Variants in TBC1D22B observed in about 807,000 individuals in gnomAD.
TBC1D22B encodes the protein TBC1 domain family member 22B.
Under a neutral mutation model 69.1 loss-of-function variants are expected in TBC1D22B, and 32 were observed. The observed-to-expected ratio is 0.46, with a 90% CI of 0.35 to 0.62. The LOEUF is 0.62. Ranked by LOEUF, TBC1D22B falls within the 20% of genes least tolerant of loss-of-function variation. The pLI is 0.00. For synonymous variants in TBC1D22B, 206 were observed against 229.8 expected, an observed-to-expected ratio of 0.90 and a Z score of 0.94; for missense variants, 462 against 630.9, an observed-to-expected ratio of 0.73 and a Z score of 2.87.
chr6:37,269,891 G>A (rs1345234521), intron 2 of TBC1D22B, among the ~76,000 whole-genome samples: 3 of 152,116 alleles, frequency 2.0e-5, no homozygotes, highest in Non-Finnish European at 4.4e-5. Flanking sequence ...TTTGGTATTG[G>A]ATTCTTTGGT....
chr6:37,274,553 C>T (rs1394257884), intron 2 of TBC1D22B, among the ~76,000 whole-genome samples: 1 of 152,188 alleles, frequency 6.6e-6, no homozygotes, highest in South Asian at 2.1e-4. Flanking sequence ...ACCTTGGGCA[C>T]ATTACTGAAA....
chr6:37,265,293 T>C (rs1333458744), intron 1 of TBC1D22B, among the ~76,000 whole-genome samples: 1 of 152,254 alleles, frequency 6.6e-6, no homozygotes, highest in Admixed American at 6.5e-5. Flanking sequence ...CCCTTCAGCC[T>C]GCACAAATTA....
intron 8 of TBC1D22B, among the ~76,000 whole-genome samples, chr6:37,307,344 T>G (rs192855014): frequency 1.7e-4 from 25 of 151,366 alleles, no homozygotes; most frequent in African/African-American, 5.8e-4. Context: ...AGAAATTTTT[T>G]TTTCTTTTTT....
At chr6:37,272,926 A>T (rs1370216709) in intron 2 of TBC1D22B, among the ~76,000 whole-genome samples, 1 of 152,206 alleles carries the variant, frequency 6.6e-6, no homozygotes, top group Non-Finnish European at 1.5e-5. Context: ...GGAGGTATTA[A>T]CATTGGCTTA....
intron 10 of TBC1D22B, among the ~76,000 whole-genome samples, chr6:37,316,441 G>A (rs534731113): frequency 2.6e-5 from 4 of 152,172 alleles, no homozygotes; most frequent in Non-Finnish European, 4.4e-5. Flanking sequence ...TGGCCAGAGC[G>A]GCCCCACAAA....
rs565608513 is a variant in TBC1D22B at position 37,302,747 on chromosome 6, A to G, written c.983-10171A>G. 5.9e-5 allele frequency among the ~76,000 whole-genome samples: 9 copies of G among 152,350 alleles called. No individual in the cohort carries two copies. The East Asian group carries it at 1.3e-3, about 23-fold the overall frequency. On this transcript the variant is annotated intron_variant, in intron 8 of 12. Coordinates refer to ENST00000373491, the MANE Select transcript of TBC1D22B (RefSeq NM_017772.4). ...CTCTGACTTGTGTCCGGTTCCCTAC[A>G]TGGCATTTCCACCTGATTATGTCAT...
At chr6:37,316,914 A>G in intron 11 of TBC1D22B, 84 bp downstream of exon 11, 1 of 1,595,382 alleles carries the variant, frequency 6.3e-7, no homozygotes, top group Non-Finnish European at 8.5e-7. Flanking sequence ...GTAGCTGCTT[A>G]GAAGCTTCCC....
intron 8 of TBC1D22B, among the ~76,000 whole-genome samples, chr6:37,311,214 A>G (rs573575882): frequency 2.7e-5 from 4 of 148,262 alleles, no homozygotes; most frequent in Admixed American, 6.7e-5. Flanking sequence ...TCCTAGAGTC[A>G]TGGCTTTTCT....
chr6:37,292,913 T>G (rs550603919), intron 8 of TBC1D22B, among the ~76,000 whole-genome samples: 1 of 152,236 alleles, frequency 6.6e-6, no homozygotes, highest in South Asian at 2.1e-4. Flanking sequence ...CTTGTTTTAT[T>G]GAGCTTTGTA....
intron 12 of TBC1D22B, among the ~76,000 whole-genome samples, chr6:37,328,603 G>A (rs1235659798): frequency 1.3e-5 from 2 of 152,176 alleles, no homozygotes; most frequent in African/African-American, 4.8e-5. Flanking sequence ...TCAAAATTAT[G>A]TAGAGAAAAT....
intron 1 of TBC1D22B, among the ~76,000 whole-genome samples, chr6:37,267,576 TA>T (rs1189913429): frequency 2.1e-4 from 31 of 146,114 alleles, no homozygotes; most frequent in South Asian, 8.4e-4. Flanking sequence ...CACACATATA[TA>T]TATTCTGATA....
intron 7 of TBC1D22B, 23 bp downstream of exon 7, chr6:37,287,095 T>C (rs1274054045): frequency 3.8e-6 from 6 of 1,582,324 alleles, no homozygotes; most frequent in Non-Finnish European, 4.3e-6. Flanking sequence ...CTTAATGTTC[T>C]TTGGCGCTTC....
Position 37,282,277 on chromosome 6 carries a change from G to A in TBC1D22B, c.514G>A (p.Ala172Thr), listed in dbSNP as rs149916828. Residue 172 changes from alanine (A) to threonine (T), a missense_variant, in exon 4 of 13, where the codon GCT becomes ACT. By Grantham distance (58) the Ala-to-Thr change is moderately conservative (BLOSUM62 0). Transcript: ENST00000373491. Reference sequence around the variant, plus strand: ...CGTTGCCCGGATCTCGGATCAGAACGCTTCTGGGGCCCCCCCAATGACTGT... The same window carrying A: ...CGTTGCCCGGATCTCGGATCAGAACACTTCTGGGGCCCCCCCAATGACTGT... ...PLVARISDQN[A>T]SGAPPMTVRE... The A allele has an allele frequency of 1.2e-4, 190 of 1,613,958 alleles. 1 individual carries two copies. Among genetic ancestry groups the A allele is most frequent in the Admixed American group, 1.3e-4 (8 of 59,992 alleles).
chr6:37,305,029 T>C (rs151079428), intron 8 of TBC1D22B, among the ~76,000 whole-genome samples: 73 of 152,306 alleles, frequency 4.8e-4, no homozygotes, highest in Non-Finnish European at 9.4e-4. Context: ...GGGAGGGAGC[T>C]GTGCAGTTAA....
At chr6:37,298,539 G>GTTTTTTTTTTTTTTTTTTTTTTT (rs34996865) in intron 8 of TBC1D22B, among the ~76,000 whole-genome samples, 8 of 71,258 alleles carry the variant, frequency 1.1e-4, no homozygotes, top group African/African-American at 4.3e-4. Context: ...GTTGCCTACA[G>GTTTTTTTTTTTTTTTTTTTTTTT]TTTTTTTTTT....
chr6:37,275,430 T>G (rs1188323780), intron 2 of TBC1D22B, among the ~76,000 whole-genome samples: 1 of 152,220 alleles, frequency 6.6e-6, no homozygotes, highest in Non-Finnish European at 1.5e-5. Context: ...CTTGGTTTAC[T>G]TGGCGACTTC....
At chr6:37,298,196 T>TA (rs1767448061) in intron 8 of TBC1D22B, among the ~76,000 whole-genome samples, 5 of 151,908 alleles carry the variant, frequency 3.3e-5, no homozygotes, top group African/African-American at 1.2e-4. Flanking sequence ...AAAGTATAAT[T>TA]TAAAAAAAAA....
chr6:37,294,519 T>C (rs975924040), intron 8 of TBC1D22B, among the ~76,000 whole-genome samples: 1 of 152,188 alleles, frequency 6.6e-6, no homozygotes, highest in Admixed American at 6.5e-5. Flanking sequence ...AGTCAATGTC[T>C]GGCTTCAAAG....
At chr6:37,309,035 C>A (rs1279497411) in intron 8 of TBC1D22B, among the ~76,000 whole-genome samples, 1 of 151,882 alleles carries the variant, frequency 6.6e-6, no homozygotes, top group Non-Finnish European at 1.5e-5. Context: ...TGCCAGCTAA[C>A]TTTTATGTAA....
Sources: allele counts gnomAD v4.1 joint callset (sites outside exome capture counted in the v4.1 genomes callset), GRCh38; gene constraint gnomAD v4.1.1; transcripts MANE v1.5; gene names NCBI Gene and HGNC (gene_info 2026-07-23, HGNC 2026-07-21).